The following CSMD1 variants were observed in gnomAD, a reference collection of about 807,000 sequenced individuals.
CSMD1 encodes the protein CUB and Sushi multiple domains 1.
A neutral mutation model predicts 417.5 loss-of-function variants in CSMD1; 213 were observed. The observed-to-expected ratio is 0.51, with a 90% CI of 0.46 to 0.57. The LOEUF (loss-of-function observed/expected upper bound fraction) is 0.57, where lower values mean the gene tolerates loss of function less well. CSMD1 is among the 20% of genes least tolerant of loss of function. The pLI is 0.00. For synonymous variants in CSMD1, 2,862 were observed against 1,736.8 expected, an observed-to-expected ratio of 1.65 and a Z score of -16.11; for missense variants, 6,923 against 4,529.7, an observed-to-expected ratio of 1.53 and a Z score of -15.17.
At chr8:3,934,648 G>C (rs148959064) in intron 5 of CSMD1, among the ~76,000 whole-genome samples, 5,886 of 152,118 alleles carry the variant, frequency 0.039, 145 homozygotes, top group Middle Eastern at 0.082. Flanking sequence ...CAGGTCAGGA[G>C]TTCGAGACCA....
rs978722363 is a variant in CSMD1, at chr8:3,932,117, G to A, written c.818+65786C>T. 1.3e-5 allele frequency among the ~76,000 whole-genome samples: 2 copies of A among 150,288 alleles called. 1 individual carries two copies. The highest frequency in any genetic ancestry group is 1.3e-4 in the Admixed American group (2 of 15,104). Reference sequence around the variant, plus strand: ...ATCCAGAATAACATTCTTGAAAGTAGATGATTTTATGGCTTATATATTGAG... The same window carrying A: ...ATCCAGAATAACATTCTTGAAAGTAAATGATTTTATGGCTTATATATTGAG... On this transcript the variant is annotated intron_variant, in intron 5 of 69. Coordinates refer to ENST00000635120, the MANE Select transcript of CSMD1 (RefSeq NM_033225.6).
chr8:3,523,686 G>T (rs991444997), intron 10 of CSMD1, among the ~76,000 whole-genome samples: 1 of 149,690 alleles, frequency 6.7e-6, no homozygotes, highest in African/African-American at 2.5e-5. Context: ...TACACCCAGA[G>T]AGACATATGC....
At chr8:3,891,857 C>G (rs1386024409) in intron 5 of CSMD1, among the ~76,000 whole-genome samples, 4 of 151,778 alleles carry the variant, frequency 2.6e-5, no homozygotes, top group African/African-American at 9.7e-5. Flanking sequence ...TAAAGCTTGC[C>G]CAAAAAAAGG....
At chr8:4,203,475 A>G (rs1197099333) in intron 3 of CSMD1, among the ~76,000 whole-genome samples, 1 of 152,180 alleles carries the variant, frequency 6.6e-6, no homozygotes, top group Non-Finnish European at 1.5e-5. Flanking sequence ...TCTATAATGA[A>G]GAAAACATGT....
At chr8:3,238,843 C>A (rs1799314637) in intron 26 of CSMD1, among the ~76,000 whole-genome samples, 1 of 151,984 alleles carries the variant, frequency 6.6e-6, no homozygotes, top group South Asian at 2.1e-4. Context: ...GGGATGGCAC[C>A]AAGAGATATC....
intron 10 of CSMD1, among the ~76,000 whole-genome samples, chr8:3,559,219 G>A (rs528800525): frequency 5.9e-5 from 9 of 152,290 alleles, no homozygotes; most frequent in East Asian, 5.8e-4. Context: ...TATTTCAAAT[G>A]TGCAACAACA....
chr8:3,517,629 T>TG (rs1221540009), intron 10 of CSMD1, among the ~76,000 whole-genome samples: 3 of 152,216 alleles, frequency 2.0e-5, no homozygotes, highest in African/African-American at 7.2e-5. Context: ...ACGATTTTTT[T>TG]GGGGAAAAAG....
intron 5 of CSMD1, among the ~76,000 whole-genome samples, chr8:3,930,434 T>C (rs892621088): frequency 7.3e-5 from 11 of 150,692 alleles, no homozygotes; most frequent in African/African-American, 2.4e-4. Flanking sequence ...GGTCAAAGCC[T>C]GTTCTTCTTC....
At chr8:3,046,336 A>C (rs1461037613) in intron 50 of CSMD1, among the ~76,000 whole-genome samples, 1 of 152,034 alleles carries the variant, frequency 6.6e-6, no homozygotes, top group Non-Finnish European at 1.5e-5. Flanking sequence ...GAAAGGAGCT[A>C]AGGGTTACAG....
At chr8:2,950,464 C>G in intron 66 of CSMD1, 121 bp from the exon 67 acceptor site, 4 of 651,174 alleles carry the variant, frequency 6.1e-6, no homozygotes, top group East Asian at 2.6e-5. Context: ...AAAACTCAAA[C>G]AGAAATTGTA....
chr8:4,146,174 C>T (rs1419378432), intron 3 of CSMD1, among the ~76,000 whole-genome samples: 1 of 150,922 alleles, frequency 6.6e-6, no homozygotes, highest in Non-Finnish European at 1.5e-5. Context: ...TCATACTCCG[C>T]TGGCCAAGTC....
intron 3 of CSMD1, among the ~76,000 whole-genome samples, chr8:4,145,035 G>T (rs545489495): frequency 1.3e-5 from 2 of 150,964 alleles, no homozygotes; most frequent in Admixed American, 6.6e-5. Flanking sequence ...CTACTTTTCC[G>T]CTTTTAAAAT....
intron 2 of CSMD1, among the ~76,000 whole-genome samples, chr8:4,492,801 C>A (rs1801772149): frequency 6.6e-6 from 1 of 152,180 alleles, no homozygotes; most frequent in Non-Finnish European, 1.5e-5. Flanking sequence ...GATCCTTATT[C>A]AGAGCACACA....
chr8:2,976,532 A>G (rs1264027826), intron 55 of CSMD1, among the ~76,000 whole-genome samples: 1 of 152,126 alleles, frequency 6.6e-6, no homozygotes, highest in Non-Finnish European at 1.5e-5. Context: ...TATTTTTTGT[A>G]GAGATGGAGT....
chr8:4,918,628 T>A (rs1374689356), intron 1 of CSMD1, among the ~76,000 whole-genome samples: 1 of 152,228 alleles, frequency 6.6e-6, no homozygotes, highest in African/African-American at 2.4e-5. Flanking sequence ...TCACGTTACT[T>A]CAGATTGATA....
intron 2 of CSMD1, among the ~76,000 whole-genome samples, chr8:4,556,747 C>T (rs369921146): frequency 7.2e-5 from 11 of 152,250 alleles, no homozygotes; most frequent in African/African-American, 1.7e-4. Flanking sequence ...ATCGCAAAGT[C>T]GAAAACCTCA....
At chr8:4,160,700 C>G (rs1249188301) in intron 3 of CSMD1, among the ~76,000 whole-genome samples, 1 of 152,246 alleles carries the variant, frequency 6.6e-6, no homozygotes, top group Non-Finnish European at 1.5e-5. Context: ...TCCATGTCTT[C>G]ACTCTTGCCT....
At chr8:3,121,780 C>CA (rs1817224049) in intron 41 of CSMD1, among the ~76,000 whole-genome samples, 1 of 152,040 alleles carries the variant, frequency 6.6e-6, no homozygotes, top group Admixed American at 6.5e-5. Flanking sequence ...GCCTGGGTGA[C>CA]AGAGCAGGAT....
intron 1 of CSMD1, among the ~76,000 whole-genome samples, chr8:4,920,902 A>AG (rs779278245): frequency 3.0e-5 from 2 of 66,724 alleles, no homozygotes; most frequent in Admixed American, 1.6e-4. Context: ...AAAAGAAAAG[A>AG]AAAGAAAAGA....
Sources: allele counts gnomAD v4.1 joint callset (sites outside exome capture counted in the v4.1 genomes callset), GRCh38; gene constraint gnomAD v4.1.1; transcripts MANE v1.5; gene names NCBI Gene and HGNC (gene_info 2026-07-23, HGNC 2026-07-21).